REXO4: variants seen among roughly 807,000 people sequenced by gnomAD.
REXO4 encodes the protein RNA exonuclease 4.
Under a neutral mutation model 39.9 loss-of-function variants are expected in REXO4, and 29 were observed. The ratio of observed to expected loss-of-function variants is 0.73; its 90% CI spans 0.54 to 0.99. The LOEUF is 0.99. Ranked by LOEUF, REXO4 falls within the 50% of genes least tolerant of loss-of-function variation. The pLI is 0.00. For synonymous variants in REXO4, 184 were observed against 206.2 expected, an observed-to-expected ratio of 0.89 and a Z score of 0.92; for missense variants, 524 against 546.5, an observed-to-expected ratio of 0.96 and a Z score of 0.41.
intron 2 of REXO4, chr9:133,414,220 C>T (rs1200621328): frequency 2.8e-6 from 1 of 356,006 alleles, no homozygotes; most frequent in Non-Finnish European, 5.5e-6. Flanking sequence ...CAGGCAACAG[C>T]CACCACACCT....
chr9:133,406,862 CAG>C lies in REXO4; in HGVS notation c.*89_*90del. ...TGCCATGATTCTGAAAAGGTTTCAC[CAG>C]AGTTGCCACTCTGGGGAGATGTGAT... On this transcript the variant is annotated 3_prime_UTR_variant, in exon 8 of 8. Transcript: ENST00000371942. The C allele has an allele frequency of 6.4e-7, 1 of 1,571,644 alleles. No individual in the cohort carries two copies. Among genetic ancestry groups the C allele is most frequent in the South Asian group, 1.1e-5 (1 of 89,626 alleles).
At chr9:133,412,611 AT>A in intron 3 of REXO4, 119 bp from the exon 4 acceptor site, 1 of 1,406,304 alleles carries the variant, frequency 7.1e-7, no homozygotes, top group Non-Finnish European at 9.8e-7. Flanking sequence ...CCCCTCACTC[AT>A]TTGCACCCAC....
At position 133,417,991 on chromosome 9, in the gene REXO4, A is replaced by AC. The variant is rs1311024947; in HGVS notation, c.-148dup. 2.0e-5 allele frequency: 14 copies of AC among 707,064 alleles called. No homozygotes were observed. In the East Asian group the frequency reaches 2.4e-4, roughly 12 times the overall value. The allele number at this position is 707,064 out of a possible 1,614,324, so 43.8% of individuals were successfully genotyped here. ...CGTCCAGGAAAAGACTCCGGAAGAG[A>AC]CCCCGCACGCGTTGCGCATACCTCA... On this transcript the variant is annotated 5_prime_UTR_variant, in exon 1 of 8. Coordinates refer to ENST00000371942, the MANE Select transcript of REXO4 (RefSeq NM_020385.4).
In REXO4 at chr9:133,406,872, A is replaced by C; in HGVS notation, c.*81T>G. The C allele has an allele frequency of 6.3e-7, 1 of 1,587,622 alleles. No individual in the cohort carries two copies. Among genetic ancestry groups the C allele is most frequent in the Non-Finnish European group, 8.5e-7 (1 of 1,170,630 alleles). On this transcript the variant is annotated 3_prime_UTR_variant, in exon 8 of 8. Coordinates refer to ENST00000371942, the MANE Select transcript of REXO4 (RefSeq NM_020385.4). The stretch of plus-strand genomic sequence containing the variant: ...CTGAAAAGGTTTCACCAGAGTTGCC[A>C]CTCTGGGGAGATGTGATCTGTCCCT...
Position 133,406,728 on chromosome 9 carries a change from CCCA to C in REXO4, c.*222_*224del, listed in dbSNP as rs1838896042. 1.6e-6 allele frequency: 1 copy of C among 639,648 alleles called. No individual in the cohort carries two copies. Among genetic ancestry groups the C allele is most frequent in the Admixed American group, 3.0e-5 (1 of 33,436 alleles). 39.6% of individuals were successfully genotyped at this position (639,648 alleles called of 1,614,324 possible). On this transcript the variant is annotated 3_prime_UTR_variant, in exon 8 of 8. Coordinates refer to ENST00000371942, the MANE Select transcript of REXO4 (RefSeq NM_020385.4). ...GGCGTGCCCATGGCCGTCCCTGCTC[CCCA>C]CCCTGACCATCCGGGCCCAAACACA...
At position 133,417,868 on chromosome 9, in the gene REXO4, C is replaced by T. The variant is rs781978308; in HGVS notation, c.-24G>A. 1 of 1,592,194 alleles carries T rather than the reference C, an allele frequency of 6.3e-7. No individual in the cohort carries two copies. The highest frequency in any genetic ancestry group is 8.5e-7 in the Non-Finnish European group (1 of 1,176,404). ...ATCCTGCTGCCGTCCAGCGCCTGGGCCGGCGGCCACCCGAGACCCCGGCCT... is the reference window on the plus strand; with the variant it reads ...ATCCTGCTGCCGTCCAGCGCCTGGGTCGGCGGCCACCCGAGACCCCGGCCT... On this transcript the variant is annotated 5_prime_UTR_variant, in exon 1 of 8. Transcript: ENST00000371942.
At chr9:133,415,486 G>A (rs1279831633) in intron 1 of REXO4, among the ~76,000 whole-genome samples, 1 of 151,590 alleles carries the variant, frequency 6.6e-6, no homozygotes, top group African/African-American at 2.4e-5. Flanking sequence ...TGTCATAAAT[G>A]AAAAGAAAAG....
At chr9:133,413,328 C>T (rs925259776) in intron 2 of REXO4, among the ~76,000 whole-genome samples, 4 of 152,160 alleles carry the variant, frequency 2.6e-5, no homozygotes, top group African/African-American at 9.7e-5. Flanking sequence ...TCTTGAACTC[C>T]TGACCTCAAG....
intron 5 of REXO4, 107 bp downstream of exon 5, chr9:133,410,878 A>T (rs1353147055): frequency 2.5e-6 from 2 of 800,368 alleles, no homozygotes; most frequent in African/African-American, 3.4e-5. Context: ...TATTCCCAAC[A>T]TAGAGCACAA....
chr9:133,406,999 C>A lies in REXO4; in HGVS notation c.1223G>T (p.Arg408Met). 1 of 1,613,104 alleles carries A rather than the reference C, an allele frequency of 6.2e-7. No individual in the cohort carries two copies. Among genetic ancestry groups the A allele is most frequent in the South Asian group, 1.1e-5 (1 of 91,088 alleles). Residue 408 changes from arginine to methionine, a missense_variant, in exon 8 of 8, where the codon AGG (arginine) becomes ATG (methionine). By Grantham distance (91) the Arg-to-Met change is moderately conservative (BLOSUM62 -1). Transcript: ENST00000371942. The stretch of plus-strand genomic sequence containing the variant: ...GTCTGGAGCAGTCAGCAGGGGGCGC[C>A]TGTCTCGGGCCATGCTCTCCCACTC... Reference protein sequence around the residue: ...KKEWESMARDRRPLLTAPDHC... With the variant: ...KKEWESMARDMRPLLTAPDHC...
chr9:133,418,106 G>A (rs959899332), upstream of REXO4: 4 of 511,064 alleles, frequency 7.8e-6, no homozygotes, highest in Non-Finnish European at 1.4e-5. Context: ...AGCCTGGGCG[G>A]TTCACCCGCA....
chr9:133,412,466 C>T lies in REXO4; in HGVS notation c.743G>A (p.Cys248Tyr), dbSNP rs1554780361. ...GGLTRALALD[C>Y]EMVGVGPKGE... ...CTTAGGGCCCACGCCCACCATCTCA[C>T]AGTCCAAGGCTAAGGCTCTTGTCAG... The change falls in exon 4 of 8, where the codon TGT (cysteine) becomes TAT (tyrosine). Residue 248 changes from cysteine to tyrosine, a missense_variant. Cys to Tyr is a radical substitution (Grantham distance 194). Coordinates refer to ENST00000371942, the MANE Select transcript of REXO4 (RefSeq NM_020385.4). 1 of 1,614,148 alleles carries T rather than the reference C, an allele frequency of 6.2e-7. No individual in the cohort carries two copies. The highest frequency in any genetic ancestry group is 8.5e-7 in the Non-Finnish European group (1 of 1,180,030).
rs1554782001 is a variant in REXO4 at position 133,417,764 on chromosome 9, A to C, written c.81T>G (p.Thr27=). The part of the protein sequence containing the change: ...VAKPGPVKTL[T]RKKNKKKKRF... ...TTTTTTTCTTCTTGTTTTTCTTCCG[A>C]GTGAGCGTCTTGACAGGACCCGGCT... Residue 27 remains threonine (T), a synonymous_variant, in exon 1 of 8, where the codon ACT becomes ACG. Transcript: ENST00000371942. The C allele has an allele frequency of 6.2e-7, 1 of 1,612,420 alleles. No homozygotes were observed. The highest frequency in any genetic ancestry group is 1.7e-5 in the Admixed American group (1 of 60,002).
At chr9:133,416,358 C>T (rs990107488) in intron 1 of REXO4, among the ~76,000 whole-genome samples, 3 of 152,192 alleles carry the variant, frequency 2.0e-5, no homozygotes, top group African/African-American at 4.8e-5. Flanking sequence ...CTGGGGATCA[C>T]ATTTCTTTTT....
chr9:133,406,924 G>A lies in REXO4; in HGVS notation c.*29C>T, dbSNP rs368561607. The A allele has an allele frequency of 7.7e-5, 123 of 1,607,036 alleles. No homozygotes were observed. Among genetic ancestry groups the A allele is most frequent in the Non-Finnish European group, 7.2e-5 (85 of 1,179,928 alleles). ...TGACTGGTCACATTGCCTCTGTAGC[G>A]GGGCGGCAGCAGCAGCAGGGCAGGA... On this transcript the variant is annotated 3_prime_UTR_variant, in exon 8 of 8. Coordinates refer to ENST00000371942, the MANE Select transcript of REXO4 (RefSeq NM_020385.4).
In REXO4 at chr9:133,417,567, G is replaced by A. The variant is rs587652895; in HGVS notation, c.225+53C>T. 1.1e-4 allele frequency: 180 copies of A among 1,575,180 alleles called. 4 individuals are homozygous for A. The South Asian group carries it at 1.8e-3, about 16-fold the overall frequency. On this transcript the variant is annotated intron_variant, in intron 1 of 7. Coordinates refer to ENST00000371942, the MANE Select transcript of REXO4 (RefSeq NM_020385.4). ...CTACCCAAGTCTTTCCCTCCGTCGC[G>A]TTCTGCGGGAATGAGCTGCGCAGCG...
intron 1 of REXO4, 135 bp from the exon 2 acceptor site, chr9:133,415,146 A>G (rs1432320542): frequency 2.0e-5 from 14 of 705,806 alleles, no homozygotes; most frequent in Non-Finnish European, 3.0e-5. Context: ...CGCATCACTG[A>G]AATTCATTTT....
chr9:133,408,934 T>TTGTATG lies in REXO4; in HGVS notation c.1000-93_1000-92insCATACA, dbSNP rs1554779571. The TTGTATG allele has an allele frequency of 5.9e-5, 19 of 322,022 alleles. 1 individual carries two copies. In the East Asian group the frequency reaches 1.1e-3, roughly 19 times the overall value. 19.9% of individuals were successfully genotyped at this position (322,022 alleles called of 1,614,324 possible). Reference sequence around the variant, plus strand: ...CCGCCACCTTTTGCAAGTAACATCTTTGTGTGTGTGTGTGTGTGTGTGTGT... The same window carrying TTGTATG: ...CCGCCACCTTTTGCAAGTAACATCTTTGTATGTGTGTGTGTGTGTGTGTGTGTGTGT... On this transcript the variant is annotated intron_variant, in intron 5 of 7. Transcript: ENST00000371942.
At position 133,412,286 on chromosome 9, in the gene REXO4, G is replaced by A; in HGVS notation, c.910+13C>T. 1 of 1,612,214 alleles carries A rather than the reference G, an allele frequency of 6.2e-7. No individual in the cohort carries two copies. On this transcript the variant is annotated intron_variant, in intron 4 of 7. Transcript: ENST00000371942. The stretch of plus-strand genomic sequence containing the variant: ...ACTTTCCCTTCTAAGTTCCTGAGCT[G>A]TGGATGACATACCCTGCTTGAGGTT...
Sources: gnomAD v4.1 joint callset for allele counts (sites outside exome capture counted in the v4.1 genomes callset) on GRCh38, gnomAD v4.1.1 for gene constraint, MANE v1.5 for transcripts, NCBI Gene and HGNC (gene_info 2026-07-23, HGNC 2026-07-21) for gene names.